Variants in RTF2 observed in about 807,000 individuals in gnomAD.
RTF2 encodes replication termination factor 2.
A neutral mutation model predicts 38.0 loss-of-function variants in RTF2; 18 were observed. That is an observed-to-expected ratio of 0.47 (90% CI 0.33 to 0.70). The LOEUF (loss-of-function observed/expected upper bound fraction) is 0.70, where lower values mean the gene tolerates loss of function less well. RTF2 is among the 30% of genes least tolerant of loss of function. The probability of loss-of-function intolerance (pLI) is 0.02; values close to 1 mark genes in which losing one functional copy is unlikely to be tolerated. For missense variants in RTF2, 311 were observed against 379.6 expected, an observed-to-expected ratio of 0.82 and a Z score of 1.50; for synonymous variants, 126 against 137.1, an observed-to-expected ratio of 0.92 and a Z score of 0.57.
intron 8 of RTF2, among the ~76,000 whole-genome samples, chr20:56,517,662 A>G (rs1383378535): frequency 6.6e-6 from 1 of 152,180 alleles, no homozygotes; most frequent in Non-Finnish European, 1.5e-5. Flanking sequence ...TCTGTAACTC[A>G]AAGAAAATAC....
chr20:56,482,295 T>A (rs1048801543), intron 4 of RTF2, among the ~76,000 whole-genome samples: 6 of 152,228 alleles, frequency 3.9e-5, no homozygotes, highest in African/African-American at 1.4e-4. Context: ...ACACACATCC[T>A]CCTGTATACT....
chr20:56,487,013 T>C (rs1982832267), intron 5 of RTF2, among the ~76,000 whole-genome samples: 1 of 152,178 alleles, frequency 6.6e-6, no homozygotes, highest in African/African-American at 2.4e-5. Flanking sequence ...GCAGGAGTTC[T>C]AGTTCTTAAG....
intron 4 of RTF2, among the ~76,000 whole-genome samples, chr20:56,477,480 A>G (rs1401731041): frequency 2.0e-5 from 3 of 152,198 alleles, no homozygotes; most frequent in African/African-American, 7.2e-5. Context: ...AATGTTTCCT[A>G]TCAAGCAAAT....
At position 56,472,075 on chromosome 20, in the gene RTF2, T is replaced by G. The variant is rs374626786; in HGVS notation, c.70-1226T>G. Among the ~76,000 whole-genome samples, 29 of 152,116 alleles carry G rather than the reference T, an allele frequency of 1.9e-4. No homozygotes were observed. In the East Asian group the frequency reaches 2.1e-3, roughly 11 times the overall value. ...CCTCTTAACAAAAATAAAATAAAAT[T>G]AGCTGGGAATTGGCGCTTGCTTGTA... On this transcript the variant is annotated intron_variant, in intron 1 of 8. Transcript: ENST00000357348.
chr20:56,516,925 CTT>C lies in RTF2; in HGVS notation c.592-6_592-5del. On this transcript the variant is annotated splice_region_variant and splice_polypyrimidine_tract_variant and intron_variant, in intron 6 of 8. Transcript: ENST00000357348. ...GAGCACAGCCTCCAACATTCTCTAT[CTT>C]TTTGTAGAAAACAAAGAAACCCAAG... 1 of 1,613,254 alleles carries C rather than the reference CTT, an allele frequency of 6.2e-7. No homozygotes were observed.
At chr20:56,505,104 T>A (rs971493697) in intron 5 of RTF2, among the ~76,000 whole-genome samples, 1 of 152,164 alleles carries the variant, frequency 6.6e-6, no homozygotes, top group Non-Finnish European at 1.5e-5. Context: ...TCAGAAAAGG[T>A]TAGGTCCTTT....
At chr20:56,480,809 C>G (rs181830798) in intron 4 of RTF2, among the ~76,000 whole-genome samples, 1 of 152,174 alleles carries the variant, frequency 6.6e-6, no homozygotes, top group South Asian at 2.1e-4. Context: ...AAAACACACA[C>G]ATTTATTAAT....
chr20:56,503,421 C>G (rs887739418), intron 5 of RTF2, among the ~76,000 whole-genome samples: 2 of 152,178 alleles, frequency 1.3e-5, no homozygotes, highest in African/African-American at 4.8e-5. Flanking sequence ...AAAATGAGAG[C>G]TGAGGATTTG....
intron 3 of RTF2, among the ~76,000 whole-genome samples, chr20:56,475,282 G>C (rs899120779): frequency 6.6e-6 from 1 of 152,144 alleles, no homozygotes; most frequent in Admixed American, 6.6e-5. Context: ...GAAAGGTAAT[G>C]AAGAATTTGA....
chr20:56,496,503 G>A (rs774189042), intron 5 of RTF2: 7 of 918,608 alleles, frequency 7.6e-6, no homozygotes, highest in Admixed American at 3.6e-5. Context: ...AGCCGAGATC[G>A]CGCCACTGCA....
At chr20:56,470,859 G>A (rs1232979122) in intron 1 of RTF2, 7 of 324,412 alleles carry the variant, frequency 2.2e-5, no homozygotes, top group Non-Finnish European at 4.4e-5. Context: ...GGACAGCCCT[G>A]CACTTGGGAC....
chr20:56,484,120 C>T lies in RTF2; in HGVS notation c.408C>T (p.Phe136=), dbSNP rs1356137102. The part of the protein sequence containing the change: ...LEMNGRHRFC[F]LRCCGCVFSE... The stretch of plus-strand genomic sequence containing the variant: ...TGGGTTATTTCTCCAGGTTCTGCTT[C>T]CTTCGGTGCTGCGGCTGTGTGTTTT... Residue 136 remains phenylalanine, a synonymous_variant, in exon 5 of 9, where the codon TTC becomes TTT. Transcript: ENST00000357348. 1.2e-6 allele frequency: 2 copies of T among 1,614,116 alleles called. No homozygotes were observed. The highest frequency in any genetic ancestry group is 4.5e-5 in the East Asian group (2 of 44,876).
intron 5 of RTF2, among the ~76,000 whole-genome samples, chr20:56,508,922 G>A (rs1165092238): frequency 6.6e-6 from 1 of 152,152 alleles, no homozygotes; most frequent in African/African-American, 2.4e-5. Flanking sequence ...AACCACTTAG[G>A]AGAAACGCAG....
rs140891838 is a variant in RTF2 at position 56,494,373 on chromosome 20, A to T, written c.477+10184A>T. On this transcript the variant is annotated intron_variant, in intron 5 of 8. Transcript: ENST00000357348. ...GAATCATTACTTTATTATTGATAGT[A>T]TCAACCCTTTATGACTTCTTATACC... Among the ~76,000 whole-genome samples, 10 of 152,312 alleles carry T rather than the reference A, an allele frequency of 6.6e-5. 1 individual carries two copies. In the East Asian group the frequency reaches 1.7e-3, roughly 26 times the overall value.
intron 4 of RTF2, among the ~76,000 whole-genome samples, chr20:56,478,649 C>A (rs1413807643): frequency 2.0e-5 from 3 of 152,094 alleles, no homozygotes; most frequent in Non-Finnish European, 4.4e-5. Context: ...GCTGGTGGAG[C>A]CTTGATGTTG....
chr20:56,499,430 C>T (rs1170160342), intron 5 of RTF2, among the ~76,000 whole-genome samples: 1 of 152,004 alleles, frequency 6.6e-6, no homozygotes, highest in Non-Finnish European at 1.5e-5. Flanking sequence ...ATCCACCCGC[C>T]TAGGCCTCCC....
intron 1 of RTF2, chr20:56,471,009 G>A (rs1458444762): frequency 4.7e-6 from 1 of 211,062 alleles, no homozygotes; most frequent in African/African-American, 2.2e-5. Flanking sequence ...GGGGATCGTG[G>A]TAGCCTTTGA....
chr20:56,472,817 A>T (rs1305447134), intron 1 of RTF2, among the ~76,000 whole-genome samples: 1 of 152,084 alleles, frequency 6.6e-6, no homozygotes, highest in East Asian at 1.9e-4. Context: ...CGTTTATTTG[A>T]TGTAGTATTA....
rs112724969 is a variant in RTF2 at position 56,480,659 on chromosome 20, A to T, written c.399-3452A>T. Among the ~76,000 whole-genome samples, 789 of 152,326 alleles carry T rather than the reference A, an allele frequency of 5.2e-3. 3 individuals carry two copies. The highest frequency in any genetic ancestry group is 9.1e-3 in the Non-Finnish European group (617 of 68,046). On this transcript the variant is annotated intron_variant, in intron 4 of 8. Transcript: ENST00000357348. ...TAGCTTTTGATTTAAAGTGAGAGAC[A>T]TGCAATTCTTCTTTTACTTGGACAC... is the stretch of plus-strand genomic sequence containing the variant.
Sources: allele counts gnomAD v4.1 joint callset (sites outside exome capture counted in the v4.1 genomes callset), GRCh38; gene constraint gnomAD v4.1.1; transcripts MANE v1.5; gene names NCBI Gene and HGNC (gene_info 2026-07-23, HGNC 2026-07-21).